PCSK5: variants seen among roughly 807,000 people sequenced by gnomAD.
The protein encoded by PCSK5 is proprotein convertase subtilisin/kexin type 5.
Under a neutral mutation model 233.2 loss-of-function variants are expected in PCSK5, and 129 were observed. The ratio of observed to expected loss-of-function variants is 0.55; its 90% CI spans 0.48 to 0.64. The LOEUF (loss-of-function observed/expected upper bound fraction) is 0.64. Ranked by LOEUF, PCSK5 falls within the 30% of genes least tolerant of loss-of-function variation. The pLI is 0.00. For missense variants in PCSK5, 2,076 were observed against 2,430.1 expected, an observed-to-expected ratio of 0.85 and a Z score of 3.06; for synonymous variants, 825 against 879.2, an observed-to-expected ratio of 0.94 and a Z score of 1.09.
At chr9:76,277,767 G>A (rs985528954) in intron 24 of PCSK5, among the ~76,000 whole-genome samples, 4 of 152,112 alleles carry the variant, frequency 2.6e-5, no homozygotes, top group African/African-American at 4.8e-5. Flanking sequence ...TTTTGTATTC[G>A]AGTGTTAATT....
At chr9:76,185,842 C>A (rs1286291005) in intron 17 of PCSK5, among the ~76,000 whole-genome samples, 1 of 151,998 alleles carries the variant, frequency 6.6e-6, no homozygotes, top group Non-Finnish European at 1.5e-5. Context: ...AATAATAATC[C>A]CTGTTTTGCT....
At chr9:76,255,580 G>A (rs78800400) in intron 24 of PCSK5, among the ~76,000 whole-genome samples, 3,137 of 152,224 alleles carry the variant, frequency 0.021, 46 homozygotes, top group Middle Eastern at 0.044. Context: ...TAGCACTTTG[G>A]GCAGTTAAGG....
At chr9:76,017,098 A>G (rs1289471801) in intron 3 of PCSK5, among the ~76,000 whole-genome samples, 1 of 152,174 alleles carries the variant, frequency 6.6e-6, no homozygotes, top group Non-Finnish European at 1.5e-5. Context: ...GTGTGGAGTA[A>G]AAAGGATGAT....
At chr9:76,278,689 C>G (rs984160058) in intron 24 of PCSK5, among the ~76,000 whole-genome samples, 3 of 152,132 alleles carry the variant, frequency 2.0e-5, no homozygotes, top group South Asian at 2.1e-4. Flanking sequence ...ATCTGTCTAT[C>G]TATCTATCTA....
chr9:76,024,557 C>G (rs915892910), intron 4 of PCSK5, among the ~76,000 whole-genome samples: 8 of 152,212 alleles, frequency 5.3e-5, no homozygotes, highest in South Asian at 4.1e-4. Flanking sequence ...CTATGGCTGC[C>G]TGTGCCCCAG....
Position 75,943,611 on chromosome 9 carries a change from C to T in PCSK5, c.297+11128C>T, listed in dbSNP as rs1412765100. 3.3e-5 allele frequency among the ~76,000 whole-genome samples: 5 copies of T among 152,140 alleles called. No homozygotes were observed. The East Asian group carries it at 5.8e-4, about 18-fold the overall frequency. ...TACAATACAAAAGGAGGCAATAAGA[C>T]GCAGTGGAAAGAACCTTTGTATTGT... is the stretch of plus-strand genomic sequence containing the variant. On this transcript the variant is annotated intron_variant, in intron 2 of 37. Coordinates refer to ENST00000674117, the MANE Select transcript of PCSK5 (RefSeq NM_001372043.1).
chr9:76,146,117 C>A (rs1368364437), intron 10 of PCSK5, among the ~76,000 whole-genome samples: 10 of 151,876 alleles, frequency 6.6e-5, no homozygotes, highest in Non-Finnish European at 2.9e-5. Flanking sequence ...AGCAATTAAA[C>A]TTCTATCACA....
chr9:76,167,537 T>C (rs1019320041), intron 12 of PCSK5, among the ~76,000 whole-genome samples: 5 of 152,198 alleles, frequency 3.3e-5, no homozygotes, highest in African/African-American at 1.2e-4. Context: ...TATTGCAAAG[T>C]GTTAGCCATT....
intron 24 of PCSK5, among the ~76,000 whole-genome samples, chr9:76,269,010 G>T (rs904502283): frequency 6.6e-6 from 1 of 152,174 alleles, no homozygotes; most frequent in African/African-American, 2.4e-5. Context: ...TTGGAAAGGG[G>T]TGAAATTCAT....
chr9:76,161,882 C>T (rs538734338), intron 12 of PCSK5, among the ~76,000 whole-genome samples: 3 of 152,256 alleles, frequency 2.0e-5, no homozygotes, highest in Non-Finnish European at 1.5e-5. Flanking sequence ...GTGCGGTGAC[C>T]GGCACTCCTA....
chr9:76,088,908 G>A (rs1448179379), intron 7 of PCSK5, among the ~76,000 whole-genome samples: 1 of 149,350 alleles, frequency 6.7e-6, no homozygotes, highest in East Asian at 2.0e-4. Context: ...GGGGGTTTTG[G>A]TGGTGTTCGT....
chr9:76,021,716 T>C (rs1339250), intron 3 of PCSK5, among the ~76,000 whole-genome samples: 9,077 of 152,238 alleles, frequency 0.06, 422 homozygotes, highest in African/African-American at 0.14. Flanking sequence ...GCAGTCTCAT[T>C]TGGGGAATAA....
chr9:76,175,164 G>C (rs750986999), intron 14 of PCSK5, 35 bp downstream of exon 14: 1 of 1,601,870 alleles, frequency 6.2e-7, no homozygotes, highest in Admixed American at 1.7e-5. Context: ...AGGCTAAAAA[G>C]AGGCAGCTCA....
At chr9:76,104,144 C>G (rs1831881133) in intron 8 of PCSK5, among the ~76,000 whole-genome samples, 1 of 152,100 alleles carries the variant, frequency 6.6e-6, no homozygotes, top group East Asian at 1.9e-4. Flanking sequence ...CCTTTTATTT[C>G]TAAAGATAGA....
At chr9:75,920,388 A>T (rs1237219235) in intron 1 of PCSK5, among the ~76,000 whole-genome samples, 1 of 152,130 alleles carries the variant, frequency 6.6e-6, no homozygotes, top group Admixed American at 6.5e-5. Context: ...TCCTGGGCTC[A>T]AGCGATCCTC....
intron 10 of PCSK5, among the ~76,000 whole-genome samples, chr9:76,155,872 AG>A (rs1297810052): frequency 6.6e-6 from 1 of 152,224 alleles, no homozygotes; most frequent in Admixed American, 6.5e-5. Context: ...AGGGGTTGTC[AG>A]GCCAAGTTCT....
At chr9:76,026,595 C>T (rs1828434596) in intron 4 of PCSK5, among the ~76,000 whole-genome samples, 1 of 151,992 alleles carries the variant, frequency 6.6e-6, no homozygotes, top group African/African-American at 2.4e-5. Flanking sequence ...TCACTTTGTG[C>T]CTAGGTAGTC....
intron 1 of PCSK5, among the ~76,000 whole-genome samples, chr9:75,904,152 G>T (rs774312120): frequency 1.1e-4 from 17 of 152,040 alleles, no homozygotes; most frequent in Non-Finnish European, 1.9e-4. Flanking sequence ...TGGGCTGGTT[G>T]GACAATGCTG....
intron 35 of PCSK5, among the ~76,000 whole-genome samples, chr9:76,344,938 A>G (rs2131508318): frequency 6.6e-6 from 1 of 152,300 alleles, no homozygotes; most frequent in South Asian, 2.1e-4. Flanking sequence ...TAGATAAATG[A>G]TTCGTGATAT....
Sources: gnomAD v4.1 joint callset for allele counts (sites outside exome capture counted in the v4.1 genomes callset) on GRCh38, gnomAD v4.1.1 for gene constraint, MANE v1.5 for transcripts, NCBI Gene and HGNC (gene_info 2026-07-23, HGNC 2026-07-21) for gene names.